ZNF385D: variants seen among roughly 807,000 people sequenced by gnomAD.
ZNF385D encodes the protein zinc finger protein 659.
In ZNF385D, 15 loss-of-function variants were observed where a neutral mutation model predicts 35.8. The ratio of observed to expected loss-of-function variants is 0.42; its 90% CI spans 0.28 to 0.64. The LOEUF is 0.64. Among genes scored for constraint, ZNF385D ranks in the 30% least tolerant of loss-of-function variants. The pLI is 0.23. For missense variants in ZNF385D, 474 were observed against 494.6 expected (o/e 0.96, Z 0.39); for synonymous variants, 212 against 186.8 (o/e 1.13, Z -1.10).
At chr3:21,892,606 A>G (rs1698926329) in intron 3 of ZNF385D, among the ~76,000 whole-genome samples, 1 of 152,152 alleles carries the variant, frequency 6.6e-6, no homozygotes, top group African/African-American at 2.4e-5. Flanking sequence ...TCCTACCAAA[A>G]CAAGTCCTAT....
intron 3 of ZNF385D, among the ~76,000 whole-genome samples, chr3:21,954,645 A>G (rs577590467): frequency 1.7e-4 from 26 of 152,230 alleles, no homozygotes; most frequent in Non-Finnish European, 3.5e-4. Flanking sequence ...CAGTGGCAAC[A>G]TGATTCATTA....
chr3:22,211,752 G>A (rs916831733), intron 2 of ZNF385D, among the ~76,000 whole-genome samples: 1 of 151,892 alleles, frequency 6.6e-6, no homozygotes, highest in Non-Finnish European at 1.5e-5. Flanking sequence ...AGTCCTGGTG[G>A]TACCTGACTG....
chr3:22,125,573 T>C (rs1703378174), intron 3 of ZNF385D, among the ~76,000 whole-genome samples: 1 of 152,134 alleles, frequency 6.6e-6, no homozygotes, highest in South Asian at 2.1e-4. Context: ...TAGATTATCT[T>C]TCCATTTTTA....
At chr3:22,127,001 CT>C (rs1348512701) in intron 3 of ZNF385D, among the ~76,000 whole-genome samples, 1 of 151,940 alleles carries the variant, frequency 6.6e-6, no homozygotes, top group African/African-American at 2.4e-5. Flanking sequence ...TATTCCTGTT[CT>C]TTTTTGGCTT....
intron 3 of ZNF385D, among the ~76,000 whole-genome samples, chr3:21,549,548 CT>C (rs2062496067): frequency 6.6e-6 from 1 of 152,172 alleles, no homozygotes. Flanking sequence ...CTCCCAGTCA[CT>C]TGTTTCAAAC....
intron 3 of ZNF385D, among the ~76,000 whole-genome samples, chr3:22,127,625 C>T (rs1703515623): frequency 6.6e-6 from 1 of 151,994 alleles, no homozygotes; most frequent in Admixed American, 6.6e-5. Flanking sequence ...CAGGCGTGAG[C>T]CACCGTGCCT....
At chr3:21,759,571 T>A (rs1055044079) in intron 3 of ZNF385D, among the ~76,000 whole-genome samples, 2 of 152,152 alleles carry the variant, frequency 1.3e-5, no homozygotes, top group Non-Finnish European at 1.5e-5. Flanking sequence ...AGACATTTGG[T>A]GACACAATAA....
intron 3 of ZNF385D, among the ~76,000 whole-genome samples, chr3:22,044,595 G>C (rs1418313794): frequency 6.6e-6 from 1 of 152,090 alleles, no homozygotes; most frequent in Non-Finnish European, 1.5e-5. Flanking sequence ...TTATTATGTA[G>C]GGAAGGTGGT....
intron 3 of ZNF385D, chr3:21,942,789 G>T (rs572216729): frequency 1.3e-5 from 2 of 152,154 alleles, no homozygotes; most frequent in African/African-American, 2.4e-5. Context: ...ACTTCTATTG[G>T]CAGTTCTTTA....
At chr3:21,688,661 C>A (rs887838659) in intron 1 of ZNF385D, among the ~76,000 whole-genome samples, 2 of 152,112 alleles carry the variant, frequency 1.3e-5, no homozygotes, top group Non-Finnish European at 2.9e-5. Flanking sequence ...TCCATGAATT[C>A]TTCCATAAAC....
Position 21,856,347 on chromosome 3 carries a change from G to C in ZNF385D, c.326-191319C>G, listed in dbSNP as rs77847703. Among the ~76,000 whole-genome samples the C allele has an allele frequency of 2.8e-3, 431 of 152,096 alleles. 4 individuals carry two copies. Among genetic ancestry groups the C allele is most frequent in the African/African-American group, 9.3e-3 (385 of 41,510 alleles). The stretch of plus-strand genomic sequence containing the variant: ...TTCACTCTCTCTGTAATGTCATCCA[G>C]TCAATCCCTTGGCTTTAAATAACAT... On this transcript the variant is annotated intron_variant, in intron 3 of 5. Transcript: ENST00000494108.
chr3:22,208,005 T>A (rs1329907557), intron 2 of ZNF385D, among the ~76,000 whole-genome samples: 1 of 151,906 alleles, frequency 6.6e-6, no homozygotes, highest in African/African-American at 2.4e-5. Context: ...ATAGCCAATA[T>A]GAAGAAGAGT....
chr3:21,984,502 T>C lies in ZNF385D; in HGVS notation c.325+184315A>G, dbSNP rs950828840. The stretch of plus-strand genomic sequence containing the variant: ...GGTATACGGCGTTATTTCTGAGGGC[T>C]CTGTTCTGTTCCATTGATCTATATC... On this transcript the variant is annotated intron_variant, in intron 3 of 5. Transcript: ENST00000494108. 5.3e-5 allele frequency among the ~76,000 whole-genome samples: 7 copies of C among 132,116 alleles called. 2 individuals are homozygous for C. Among genetic ancestry groups the C allele is most frequent in the African/African-American group, 1.8e-4 (6 of 32,586 alleles). The allele number at this position is 132,116 out of a possible 152,430, so 86.7% of individuals were successfully genotyped here.
At chr3:21,837,317 G>C (rs138942567) in intron 3 of ZNF385D, among the ~76,000 whole-genome samples, 22 of 152,160 alleles carry the variant, frequency 1.4e-4, no homozygotes, top group African/African-American at 4.6e-4. Context: ...CAGAAGTATG[G>C]TGGGTTGTCT....
At chr3:21,966,258 T>C (rs1017099738) in intron 3 of ZNF385D, among the ~76,000 whole-genome samples, 4 of 152,172 alleles carry the variant, frequency 2.6e-5, no homozygotes, top group African/African-American at 9.7e-5. Flanking sequence ...TCCCCTAACA[T>C]CTAGCACAGC....
intron 2 of ZNF385D, among the ~76,000 whole-genome samples, chr3:21,571,264 C>A (rs1344941737): frequency 1.3e-5 from 2 of 152,134 alleles, no homozygotes; most frequent in East Asian, 3.9e-4. Flanking sequence ...TGGCTTCTTT[C>A]ATTCAACATT....
intron 3 of ZNF385D, among the ~76,000 whole-genome samples, chr3:21,543,176 T>G (rs2062239570): frequency 6.6e-6 from 1 of 152,042 alleles, no homozygotes; most frequent in African/African-American, 2.4e-5. Context: ...GCCGGTGTGG[T>G]GGCGCGCGCC....
At chr3:21,468,603 G>A (rs1703677285) in intron 4 of ZNF385D, among the ~76,000 whole-genome samples, 2 of 152,018 alleles carry the variant, frequency 1.3e-5, no homozygotes, top group African/African-American at 4.8e-5. Context: ...AAAACCCTAT[G>A]TTGAGCAAGA....
At chr3:21,427,685 C>G (rs1488342228) in intron 5 of ZNF385D, among the ~76,000 whole-genome samples, 1 of 152,060 alleles carries the variant, frequency 6.6e-6, no homozygotes, top group Non-Finnish European at 1.5e-5. Flanking sequence ...CTTTGGCAAG[C>G]TAAGACCCAT....
Sources: allele counts gnomAD v4.1 joint callset (sites outside exome capture counted in the v4.1 genomes callset), GRCh38; gene constraint gnomAD v4.1.1; transcripts MANE v1.5; gene names NCBI Gene and HGNC (gene_info 2026-07-23, HGNC 2026-07-21).